Variants in GPA33 observed in about 807,000 individuals in gnomAD.
The protein encoded by GPA33 is glycoprotein A33, also known as cell surface A33 antigen.
GPA33 carries 27 observed loss-of-function variants against 35.6 expected under a neutral mutation model. That is an observed-to-expected ratio of 0.76 (90% CI 0.56 to 1.04). The LOEUF (loss-of-function observed/expected upper bound fraction) is 1.04, where lower values mean the gene tolerates loss of function less well. Among genes scored for constraint, GPA33 ranks in the 50% least tolerant of loss-of-function variants. The pLI, the probability that GPA33 is intolerant of heterozygous loss-of-function variation, is 0.00. For synonymous variants in GPA33, 176 were observed against 164.0 expected (o/e 1.07, Z -0.56); for missense variants, 428 against 411.9 (o/e 1.04, Z -0.34).
chr1:167,056,780 T>TG (rs1558002083), intron 4 of GPA33, among the ~76,000 whole-genome samples: 2 of 1,372 alleles, frequency 1.5e-3, no homozygotes, highest in African/African-American at 5.7e-3. Context: ...GTGTGTGGCA[T>TG]GTGTAGTGTG....
At chr1:167,068,049 C>T (rs1256014016) in intron 3 of GPA33, among the ~76,000 whole-genome samples, 1 of 151,026 alleles carries the variant, frequency 6.6e-6, no homozygotes, top group Non-Finnish European at 1.5e-5. Context: ...CAGGCAACCA[C>T]CTTATGCAAT....
In GPA33 at chr1:167,082,203, C is replaced by T. The variant is rs142086083; in HGVS notation, c.43+8042G>A. Reference sequence around the variant, plus strand: ...AGACAGAGAGAGAGAGAGAATATTTCTAGAAGAAAATACACCAAAATACAG... The same window carrying T: ...AGACAGAGAGAGAGAGAGAATATTTTTAGAAGAAAATACACCAAAATACAG... On this transcript the variant is annotated intron_variant, in intron 1 of 6. Coordinates refer to ENST00000367868, the MANE Select transcript of GPA33 (RefSeq NM_005814.3). 2.4e-3 allele frequency: 1,112 copies of T among 453,888 alleles called. 15 individuals carry two copies. The highest frequency in any genetic ancestry group is 0.02 in the African/African-American group (1,005 of 49,996). 28.1% of individuals were successfully genotyped at this position (453,888 alleles called of 1,614,324 possible).
intron 1 of GPA33, chr1:167,082,226 C>T (rs1237273089): frequency 4.4e-6 from 2 of 455,008 alleles, no homozygotes; most frequent in Admixed American, 4.7e-5. Context: ...CACCAAAATA[C>T]AGTATTAATA....
intron 1 of GPA33, among the ~76,000 whole-genome samples, chr1:167,089,748 T>G (rs1667119598): frequency 6.6e-6 from 1 of 152,190 alleles, no homozygotes; most frequent in Non-Finnish European, 1.5e-5. Flanking sequence ...AAGACCCATC[T>G]AGTTTGTTGT....
chr1:167,077,843 T>G (rs1245712980), intron 1 of GPA33, among the ~76,000 whole-genome samples: 1 of 152,236 alleles, frequency 6.6e-6, no homozygotes, highest in Non-Finnish European at 1.5e-5. Flanking sequence ...ACAGATATTC[T>G]CTCATTTATT....
intron 4 of GPA33, among the ~76,000 whole-genome samples, chr1:167,061,392 T>A (rs1042329419): frequency 5.3e-5 from 8 of 151,870 alleles, no homozygotes; most frequent in Non-Finnish European, 1.2e-4. Flanking sequence ...ATGGCTGGAG[T>A]CACTAGACTA....
intron 1 of GPA33, among the ~76,000 whole-genome samples, chr1:167,079,202 A>G (rs1262894520): frequency 6.6e-6 from 1 of 152,156 alleles, no homozygotes; most frequent in Non-Finnish European, 1.5e-5. Context: ...GCTCATAAAG[A>G]AAAAAACCAG....
At chr1:167,089,421 A>C (rs1056122576) in intron 1 of GPA33, among the ~76,000 whole-genome samples, 6 of 152,198 alleles carry the variant, frequency 3.9e-5, no homozygotes, top group African/African-American at 1.2e-4. Context: ...GGTGATGGCC[A>C]AATACACTAA....
chr1:167,056,929 G>A (rs1473909900), intron 4 of GPA33, among the ~76,000 whole-genome samples: 6 of 97,702 alleles, frequency 6.1e-5, no homozygotes, highest in Admixed American at 1.0e-4. Context: ...GGTGTGTACT[G>A]TGTGTGGTGT....
At chr1:167,077,826 G>A (rs190824807) in intron 1 of GPA33, among the ~76,000 whole-genome samples, 3 of 152,214 alleles carry the variant, frequency 2.0e-5, no homozygotes, top group Admixed American at 2.0e-4. Context: ...CACCATACAG[G>A]TATTTTACAG....
chr1:167,080,331 C>T (rs142299142), intron 1 of GPA33, among the ~76,000 whole-genome samples: 4 of 152,292 alleles, frequency 2.6e-5, no homozygotes, highest in South Asian at 2.1e-4. Context: ...GAAGTGCAAG[C>T]GCCTTTACCT....
chr1:167,074,315 C>T (rs1250820607), intron 1 of GPA33, among the ~76,000 whole-genome samples: 1 of 151,844 alleles, frequency 6.6e-6, no homozygotes, highest in Non-Finnish European at 1.5e-5. Flanking sequence ...TCACCTGGTC[C>T]CTTGCGATGC....
chr1:167,070,830 A>C (rs1666703508), intron 2 of GPA33, among the ~76,000 whole-genome samples: 1 of 152,246 alleles, frequency 6.6e-6, no homozygotes, highest in Non-Finnish European at 1.5e-5. Flanking sequence ...AGCCAGGAGA[A>C]GATCCGATGG....
chr1:167,069,566 C>T (rs1337821805), intron 2 of GPA33, among the ~76,000 whole-genome samples: 1 of 152,212 alleles, frequency 6.6e-6, no homozygotes, highest in African/African-American at 2.4e-5. Context: ...CTGCCAAACC[C>T]ACTTTATTTT....
chr1:167,071,083 C>T (rs1558007952), intron 2 of GPA33, among the ~76,000 whole-genome samples: 2 of 151,830 alleles, frequency 1.3e-5, no homozygotes, highest in Non-Finnish European at 2.9e-5. Flanking sequence ...AATGACATGT[C>T]GATGTTCACT....
intron 1 of GPA33, 60 bp downstream of exon 1, chr1:167,090,185 G>A: frequency 7.6e-7 from 1 of 1,313,442 alleles, no homozygotes; most frequent in East Asian, 2.3e-5. Flanking sequence ...CTCTCCTTCA[G>A]CCCTAGGTCC....
Position 167,063,680 on chromosome 1 carries a change from A to G in GPA33, c.473T>C (p.Ile158Thr). ...CTCCTTTGATTGGCAGGTCAGCTGG[A>G]TGTTGTTCCCAATTATGGTCTCTCC... ...IEGETIIGNN[I>T]QLTCQSKEGS... The change falls in exon 4 of 7, where the codon ATC (isoleucine) becomes ACC (threonine). Residue 158 changes from isoleucine (I) to threonine (T), a missense_variant. By Grantham distance (89) the Ile-to-Thr change is moderately conservative. Transcript: ENST00000367868. 1 of 1,613,532 alleles carries G rather than the reference A, an allele frequency of 6.2e-7. No homozygotes were observed. Among genetic ancestry groups the G allele is most frequent in the African/African-American group, 1.3e-5 (1 of 74,962 alleles).
intron 2 of GPA33, among the ~76,000 whole-genome samples, chr1:167,069,703 T>C (rs181810938): frequency 1.3e-5 from 2 of 152,366 alleles, no homozygotes; most frequent in Non-Finnish European, 2.9e-5. Flanking sequence ...CATTCTGCCA[T>C]GTACTAATTG....
chr1:167,056,180 G>A (rs915243654), intron 4 of GPA33, among the ~76,000 whole-genome samples: 6 of 152,156 alleles, frequency 3.9e-5, no homozygotes, highest in African/African-American at 9.7e-5. Context: ...GTACTTGCAA[G>A]CATAAAATGA....
Sources: gnomAD v4.1 joint callset for allele counts (sites outside exome capture counted in the v4.1 genomes callset) on GRCh38, gnomAD v4.1.1 for gene constraint, MANE v1.5 for transcripts, NCBI Gene and HGNC (gene_info 2026-07-23, HGNC 2026-07-21) for gene names.